The following TBATA variants were observed in gnomAD, a reference collection of about 807,000 sequenced individuals.
The protein encoded by TBATA is thymus, brain and testes associated.
TBATA carries 47 observed loss-of-function variants against 38.7 expected under a neutral mutation model. The ratio of observed to expected loss-of-function variants is 1.21; its 90% confidence interval spans 0.96 to 1.55. The LOEUF is 1.55. Ranked by LOEUF, TBATA falls within the 40% of genes most tolerant of loss-of-function variation. TBATA has a pLI of 0.00. For synonymous variants in TBATA, 183 were observed against 170.5 expected (o/e 1.07, Z -0.57); for missense variants, 436 against 435.6 (o/e 1.00, Z -0.01).
chr10:70,774,502 C>T (rs1843134783), intron 8 of TBATA, 145 bp from the exon 9 acceptor site: 2 of 724,680 alleles, frequency 2.8e-6, no homozygotes, highest in Admixed American at 2.7e-5. Flanking sequence ...GAGAGCTCCC[C>T]CTTCTCTCCT....
In TBATA at chr10:70,778,600, C is replaced by T. The variant is rs745980088; in HGVS notation, c.464G>A (p.Arg155Gln). 51 of 1,614,074 alleles carry T rather than the reference C, an allele frequency of 3.2e-5. No individual in the cohort carries two copies. The South Asian group carries it at 3.4e-4, about 11-fold the overall frequency. ...WKKELKELAS[R>Q]VAFLTKEDEL... ...ATCCTCCTTGGTGAGGAAGGCCACC[C>T]GGGAAGCTAGCTCCTTCAACTCCTT... The change falls in exon 6 of 11, where the codon CGG becomes CAG. Residue 155 changes from arginine (R) to glutamine (Q), a missense_variant. Coordinates refer to ENST00000456372, the MANE Select transcript of TBATA (RefSeq NM_001318241.2).
intron 9 of TBATA, among the ~76,000 whole-genome samples, 184 bp from the exon 10 acceptor site, chr10:70,772,750 G>T (rs113540558): frequency 6.4e-4 from 98 of 152,198 alleles, no homozygotes; most frequent in Non-Finnish European, 1.1e-3. Context: ...GCACCCAGGT[G>T]GCCTTCCTGT....
Position 70,778,570 on chromosome 10 carries a change from A to G in TBATA, c.494T>C (p.Leu165Pro). 6.2e-7 allele frequency: 1 copy of G among 1,614,024 alleles called. No individual in the cohort carries two copies. Among genetic ancestry groups the G allele is most frequent in the South Asian group, 1.1e-5 (1 of 91,070 alleles). The stretch of plus-strand genomic sequence containing the variant: ...TTCCGCACCCACCTCTTTCTTCTTC[A>G]GTTCATCCTCCTTGGTGAGGAAGGC... Reference protein sequence around the residue: ...RVAFLTKEDELKKKEQKEQKE... With the variant: ...RVAFLTKEDEPKKKEQKEQKE... The change falls in exon 6 of 11, where the codon CTG becomes CCG. Residue 165 changes from leucine (L) to proline (P), a missense_variant. Transcript: ENST00000456372.
chr10:70,778,190 T>C (rs1843671089), intron 6 of TBATA, among the ~76,000 whole-genome samples: 1 of 152,184 alleles, frequency 6.6e-6, no homozygotes, highest in African/African-American at 2.4e-5. Context: ...CCTCCCCACA[T>C]GCAAAGTCTG....
At chr10:70,782,484 C>T (rs1844368177) in intron 3 of TBATA, 2 of 1,288,918 alleles carry the variant, frequency 1.6e-6, no homozygotes, top group African/African-American at 3.0e-5. Context: ...GGCTGTCATC[C>T]TCCCCCATGC....
rs1284144025 is a variant in TBATA, at chr10:70,772,561, GA to G, written c.925del (p.Ser309ProfsTer48). The G allele has an allele frequency of 6.2e-7, 1 of 1,614,154 alleles. No individual in the cohort carries two copies. Among genetic ancestry groups the G allele is most frequent in the Admixed American group, 1.7e-5 (1 of 60,018 alleles). ...AGGTGATATCTTCGTTTTCTTCGGGGATTGACTGTGACCAAATACAAAGAAG... is the reference window on the plus strand; with the variant it reads ...AGGTGATATCTTCGTTTTCTTCGGGGTTGACTGTGACCAAATACAAAGAAG... ...QEKQEPPCSQ[S>X]PKKTKISPFT... On this transcript the variant is annotated frameshift_variant, in exon 10 of 11. Coordinates refer to ENST00000456372, the MANE Select transcript of TBATA (RefSeq NM_001318241.2). LOFTEE classifies it low-confidence loss of function (END_TRUNC).
intron 7 of TBATA, among the ~76,000 whole-genome samples, chr10:70,776,649 C>G (rs1239033669): frequency 6.6e-6 from 1 of 152,170 alleles, no homozygotes; most frequent in Non-Finnish European, 1.5e-5. Flanking sequence ...TCACAGGGAC[C>G]TCTGACGCCT....
At chr10:70,778,696 G>A (rs941677731) in intron 5 of TBATA, 60 bp from the exon 6 acceptor site, 2 of 1,449,554 alleles carry the variant, frequency 1.4e-6, no homozygotes, top group Non-Finnish European at 9.7e-7. Flanking sequence ...CCCTCCCTGT[G>A]CCACCAGGCC....
At chr10:70,783,252 T>G in intron 3 of TBATA, 87 bp downstream of exon 3, 1 of 1,486,540 alleles carries the variant, frequency 6.7e-7, no homozygotes, top group Non-Finnish European at 9.4e-7. Flanking sequence ...TCCTAATCTG[T>G]TGAGATCCCC....
At chr10:70,782,221 G>A (rs915088955) in intron 3 of TBATA, 185 bp from the exon 4 acceptor site, 4 of 1,353,588 alleles carry the variant, frequency 3.0e-6, no homozygotes, top group Non-Finnish European at 4.1e-6. Flanking sequence ...TTCCCAACTG[G>A]TGCAATCCTG....
At chr10:70,782,557 C>T in intron 3 of TBATA, 1 of 985,458 alleles carries the variant, frequency 1.0e-6, no homozygotes, top group Non-Finnish European at 1.2e-6. Context: ...TTAGGCCAGA[C>T]CAGACCAGCA....
chr10:70,785,054 A>T (rs766998457), intron 1 of TBATA, among the ~76,000 whole-genome samples: 4 of 152,208 alleles, frequency 2.6e-5, no homozygotes, highest in Non-Finnish European at 5.9e-5. Flanking sequence ...GGCTGTAGAG[A>T]GGCTGACAGG....
At chr10:70,779,563 G>C (rs1429912954) in intron 5 of TBATA, 30 bp downstream of exon 5, 1 of 1,457,634 alleles carries the variant, frequency 6.9e-7, no homozygotes, top group African/African-American at 1.5e-5. Flanking sequence ...TGAGCCCCAG[G>C]GTAGAGGGAG....
chr10:70,782,337 GA>G, intron 3 of TBATA: 1 of 1,416,706 alleles, frequency 7.1e-7, no homozygotes, highest in Non-Finnish European at 9.3e-7. Context: ...ACCAGAAAGA[GA>G]AGCTGCAGAC....
intron 9 of TBATA, 88 bp from the exon 10 acceptor site, chr10:70,772,654 G>T: frequency 7.4e-7 from 1 of 1,356,264 alleles, no homozygotes; most frequent in Non-Finnish European, 1.1e-6. Flanking sequence ...GGTGGGGAAG[G>T]TGGTGCAGGT....
intron 4 of TBATA, among the ~76,000 whole-genome samples, chr10:70,780,302 T>C (rs544798610): frequency 1.3e-5 from 2 of 152,186 alleles, no homozygotes; most frequent in Admixed American, 1.3e-4. Context: ...CCCTGGGTGA[T>C]TATTATATCA....
intron 6 of TBATA, chr10:70,777,755 C>T (rs58513472): frequency 0.063 from 27,407 of 433,188 alleles, 2,279 homozygotes; most frequent in Admixed American, 0.26. Context: ...AAGGGCCCAC[C>T]GCCTACCTTA....
chr10:70,781,316 G>T (rs534234121), intron 4 of TBATA, among the ~76,000 whole-genome samples: 5 of 152,326 alleles, frequency 3.3e-5, no homozygotes, highest in Non-Finnish European at 7.4e-5. Context: ...ACTGCAGCCT[G>T]GGCACTTGAC....
chr10:70,779,247 C>T (rs1446852653), intron 5 of TBATA, among the ~76,000 whole-genome samples: 1 of 152,234 alleles, frequency 6.6e-6, no homozygotes, highest in Non-Finnish European at 1.5e-5. Flanking sequence ...TCTGGTTGGC[C>T]AATGCCTGAG....
Sources: gnomAD v4.1 joint callset for allele counts (sites outside exome capture counted in the v4.1 genomes callset) on GRCh38, gnomAD v4.1.1 for gene constraint, MANE v1.5 for transcripts, NCBI Gene and HGNC (gene_info 2026-07-23, HGNC 2026-07-21) for gene names.